SIN3A: variants seen among roughly 807,000 people sequenced by gnomAD.
SIN3A encodes the protein paired amphipathic helix protein Sin3a.
A neutral mutation model predicts 146.1 loss-of-function variants in SIN3A; 14 were observed. That is an observed-to-expected ratio of 0.10 (90% CI 0.06 to 0.15). SIN3A has a LOEUF of 0.15. Among genes scored for constraint, SIN3A ranks in the 10% least tolerant of loss-of-function variants. The probability of loss-of-function intolerance (pLI) is 1.00; values close to 1 mark genes in which losing one functional copy is unlikely to be tolerated. For synonymous variants in SIN3A, 572 were observed against 572.0 expected (o/e 1.00, Z 0.00); for missense variants, 1,028 against 1,576.0 (o/e 0.65, Z 5.89).
chr15:75,404,657 G>C (rs1180731640), intron 9 of SIN3A, among the ~76,000 whole-genome samples: 3 of 151,952 alleles, frequency 2.0e-5, no homozygotes, highest in Non-Finnish European at 4.4e-5. Context: ...CTACTCGGGA[G>C]GCTGAGGCAG....
At chr15:75,413,651 C>G (rs1291317104) in intron 4 of SIN3A, among the ~76,000 whole-genome samples, 1 of 151,572 alleles carries the variant, frequency 6.6e-6, no homozygotes, top group Non-Finnish European at 1.5e-5. Context: ...TCAAGCAATT[C>G]TCCTGCCTCA....
chr15:75,451,288 A>AACCACAC (rs1178600848), intron 1 of SIN3A, 135 bp downstream of exon 1: 1 of 78,164 alleles, frequency 1.3e-5, no homozygotes, highest in Non-Finnish European at 2.4e-5. Flanking sequence ...CCCCTCACAC[A>AACCACAC]ACCACACACC....
intron 1 of SIN3A, among the ~76,000 whole-genome samples, chr15:75,432,784 C>G (rs139843561): frequency 2.0e-5 from 3 of 149,858 alleles, no homozygotes; most frequent in Non-Finnish European, 4.5e-5. Context: ...GGCTCACACC[C>G]GTAATCCCAG....
intron 2 of SIN3A, among the ~76,000 whole-genome samples, chr15:75,429,593 G>T (rs2073980858): frequency 6.6e-6 from 1 of 152,148 alleles, no homozygotes; most frequent in African/African-American, 2.4e-5. Flanking sequence ...TAAGTGCGTT[G>T]ATTTAAATTC....
chr15:75,422,497 A>G (rs1272713729), intron 3 of SIN3A, 150 bp downstream of exon 3: 1 of 885,268 alleles, frequency 1.1e-6, no homozygotes, highest in Admixed American at 2.0e-5. Flanking sequence ...AGGAAACATA[A>G]GCAAATTTCA....
At chr15:75,415,192 G>A (rs1317704234) in intron 3 of SIN3A, 1 of 152,186 alleles carries the variant, frequency 6.6e-6, no homozygotes, top group Non-Finnish European at 1.5e-5. Context: ...TGAAAACAGT[G>A]GCTTGAATTA....
chr15:75,418,824 G>A (rs946136962), intron 3 of SIN3A, among the ~76,000 whole-genome samples: 13 of 151,484 alleles, frequency 8.6e-5, no homozygotes, highest in South Asian at 2.1e-4. Context: ...GCGCTTTCCC[G>A]GCTCACCGCA....
At chr15:75,389,973 G>T in intron 15 of SIN3A, 152 bp from the exon 16 acceptor site, 1 of 691,460 alleles carries the variant, frequency 1.4e-6, no homozygotes, top group Non-Finnish European at 2.4e-6. Context: ...TGTAAACAGA[G>T]ATGAATTCCG....
intron 17 of SIN3A, among the ~76,000 whole-genome samples, chr15:75,383,774 AC>A (rs1300485617): frequency 6.6e-6 from 1 of 152,050 alleles, no homozygotes; most frequent in Non-Finnish European, 1.5e-5. Context: ...GGTGCACGCT[AC>A]CATGCCGGGC....
chr15:75,383,531 C>CT (rs374790673), intron 17 of SIN3A, among the ~76,000 whole-genome samples: 3,203 of 138,390 alleles, frequency 0.023, 37 homozygotes, highest in South Asian at 0.033. Context: ...TCAAGCAATC[C>CT]TTTTTTTTTT....
intron 17 of SIN3A, among the ~76,000 whole-genome samples, chr15:75,382,180 C>T (rs188871129): frequency 2.4e-4 from 37 of 152,322 alleles, no homozygotes; most frequent in Non-Finnish European, 3.8e-4. Context: ...AGAGACAAAA[C>T]TGAAATTCAG....
intron 19 of SIN3A, among the ~76,000 whole-genome samples, chr15:75,379,224 A>G (rs1489276529): frequency 6.6e-6 from 1 of 152,182 alleles, no homozygotes; most frequent in Non-Finnish European, 1.5e-5. Context: ...CAAATGAATT[A>G]AAGATTGAAA....
intron 17 of SIN3A, among the ~76,000 whole-genome samples, chr15:75,382,717 C>T (rs140667907): frequency 8.5e-4 from 129 of 151,916 alleles, no homozygotes; most frequent in African/African-American, 3.0e-3. Flanking sequence ...GAGGCTAAGG[C>T]GGGCAGATCA....
intron 1 of SIN3A, among the ~76,000 whole-genome samples, chr15:75,437,421 C>A (rs1262641673): frequency 6.6e-6 from 1 of 152,166 alleles, no homozygotes. Flanking sequence ...CCTGTCTTGG[C>A]CTCCCAAAGT....
chr15:75,404,973 CT>C (rs1394976492), intron 9 of SIN3A, among the ~76,000 whole-genome samples: 1 of 151,778 alleles, frequency 6.6e-6, no homozygotes, highest in Non-Finnish European at 1.5e-5. Flanking sequence ...TTGAGACCCC[CT>C]CTCTCCAAAA....
chr15:75,375,583 A>C, intron 20 of SIN3A, 82 bp downstream of exon 20: 8 of 1,113,722 alleles, frequency 7.2e-6, no homozygotes, highest in Non-Finnish European at 1.1e-5. Flanking sequence ...AAACAAAGAA[A>C]AACAATCAGA....
chr15:75,426,202 G>A (rs1393861462), intron 2 of SIN3A, among the ~76,000 whole-genome samples: 1 of 152,156 alleles, frequency 6.6e-6, no homozygotes, highest in Non-Finnish European at 1.5e-5. Flanking sequence ...AGGTAAACAA[G>A]CAACTTTTTT....
rs941514110 is a variant in SIN3A at position 75,371,535 on chromosome 15, G to A, written c.*444C>T. On this transcript the variant is annotated 3_prime_UTR_variant, in exon 21 of 21. Coordinates refer to ENST00000394947, the MANE Select transcript of SIN3A (RefSeq NM_001145358.2). The stretch of plus-strand genomic sequence containing the variant: ...CTTTTGTGGGGAGGGGAGAGGAGCA[G>A]TGACCATGATAGTTCCAATCCATCT... 1 of 158,732 alleles carries A rather than the reference G, an allele frequency of 6.3e-6. No homozygotes were observed. Among genetic ancestry groups the A allele is most frequent in the Non-Finnish European group, 1.4e-5 (1 of 72,442 alleles). The allele number at this position is 158,732 out of a possible 1,614,324, so 9.8% of individuals were successfully genotyped here. A position where few individuals can be genotyped will look rare whatever the true frequency, so the allele number is the denominator to read the frequency against.
In SIN3A at chr15:75,443,949, C is replaced by T. The variant is rs117731946; in HGVS notation, c.-34+7474G>A. On this transcript the variant is annotated intron_variant, in intron 1 of 20. Coordinates refer to ENST00000394947, the MANE Select transcript of SIN3A (RefSeq NM_001145358.2). ...GTAAAACTAATGATTTATTTCACTA[C>T]TGCATATCCTTTTAAGCAATTCTAT... Among the ~76,000 whole-genome samples the T allele has an allele frequency of 6.8e-4, 103 of 152,292 alleles. No individual in the cohort carries two copies. The East Asian group carries it at 0.013, about 20-fold the overall frequency.
Sources: gnomAD v4.1 joint callset for allele counts (sites outside exome capture counted in the v4.1 genomes callset) on GRCh38, gnomAD v4.1.1 for gene constraint, MANE v1.5 for transcripts, NCBI Gene and HGNC (gene_info 2026-07-23, HGNC 2026-07-21) for gene names.